The following TNR variants were observed in gnomAD, a reference collection of about 807,000 sequenced individuals.
The protein encoded by TNR is tenascin R, also known as tenascin-R.
TNR carries 45 observed loss-of-function variants against 150.4 expected under a neutral mutation model. The ratio of observed to expected loss-of-function variants is 0.30; its 90% CI spans 0.24 to 0.38. The LOEUF (loss-of-function observed/expected upper bound fraction) is 0.38, where lower values mean the gene tolerates loss of function less well. TNR is among the 10% of genes least tolerant of loss of function. The pLI, the probability that TNR is intolerant of heterozygous loss-of-function variation, is 1.00. For synonymous variants in TNR, 687 were observed against 678.4 expected (o/e 1.01, Z -0.20); for missense variants, 1,544 against 1,759.1 (o/e 0.88, Z 2.19).
chr1:175,684,915 C>T (rs1234944717), intron 1 of TNR, among the ~76,000 whole-genome samples: 1 of 152,208 alleles, frequency 6.6e-6, no homozygotes, highest in Non-Finnish European at 1.5e-5. Flanking sequence ...CCACACACTC[C>T]TCTTCCTCAG....
intron 1 of TNR, among the ~76,000 whole-genome samples, chr1:175,707,830 T>C (rs1666882347): frequency 1.3e-5 from 2 of 152,218 alleles, no homozygotes; most frequent in African/African-American, 4.8e-5. Flanking sequence ...AATTATTTAC[T>C]AAATTAAGTC....
intron 20 of TNR, among the ~76,000 whole-genome samples, chr1:175,331,015 T>TTCTTTCTTTCTTTCTTTC (rs1557867198): frequency 6.9e-5 from 4 of 57,926 alleles, no homozygotes; most frequent in Non-Finnish European, 1.4e-4. Flanking sequence ...CTTTCTTTCT[T>TTCTTTCTTTCTTTCTTTC]TCTTTCTTTC....
intron 15 of TNR, among the ~76,000 whole-genome samples, chr1:175,357,588 T>C (rs1371742966): frequency 6.6e-6 from 1 of 152,210 alleles, no homozygotes; most frequent in African/African-American, 2.4e-5. Context: ...CTTCTTACAC[T>C]CTCACATCTC....
Position 175,502,328 on chromosome 1 carries a change from G to A in TNR, c.-64+25941C>T, listed in dbSNP as rs142384743. Among the ~76,000 whole-genome samples the A allele has an allele frequency of 1.2e-4, 18 of 152,300 alleles. No individual in the cohort carries two copies. The East Asian group carries it at 3.5e-3, about 29-fold the overall frequency. On this transcript the variant is annotated intron_variant, in intron 2 of 22. Transcript: ENST00000367674. ...CACTCCTCTTTGGGGCAGACACATT[G>A]AACCCCCATGCAGGGAATATTGGCT...
At chr1:175,721,971 ACC>A (rs574859243) in intron 1 of TNR, among the ~76,000 whole-genome samples, 4 of 151,804 alleles carry the variant, frequency 2.6e-5, no homozygotes, top group Admixed American at 1.3e-4. Context: ...CTGGACTGCT[ACC>A]CCAGCTGTGA....
At chr1:175,726,116 T>C (rs1166423697) in intron 1 of TNR, among the ~76,000 whole-genome samples, 2 of 152,174 alleles carry the variant, frequency 1.3e-5, no homozygotes, top group African/African-American at 4.8e-5. Context: ...GTAAATATGA[T>C]AACAGAAAAA....
rs768770487 is a variant in TNR at position 175,406,407 on chromosome 1, C to A, written c.308G>T (p.Gly103Val). The change falls in exon 3 of 23, where the codon GGC (glycine) becomes GTC (valine). Residue 103 changes from glycine to valine, a missense_variant. Physicochemically the swap from Gly to Val is moderately radical, Grantham distance 109. Around this residue, in one of 2 missense-constraint regions of TNR, gnomAD observed 1,254 missense variants for 1,329.4 expected, o/e 0.94. Transcript: ENST00000367674. ...CTGGCTCTCGTGGTCTGAGGTCTGGCCCATGTACTCTGCCAGAGTCTCGTC... is the reference window on the plus strand; with the variant it reads ...CTGGCTCTCGTGGTCTGAGGTCTGGACCATGTACTCTGCCAGAGTCTCGTC... ...AEDETLAEYMGQTSDHESQVT... is the reference protein window; with the variant it reads ...AEDETLAEYMVQTSDHESQVT... The A allele has an allele frequency of 6.2e-7, 1 of 1,614,170 alleles. No homozygotes were observed. The highest frequency in any genetic ancestry group is 1.1e-5 in the South Asian group (1 of 91,080).
chr1:175,515,100 G>A (rs753152450), intron 2 of TNR, among the ~76,000 whole-genome samples: 1 of 152,240 alleles, frequency 6.6e-6, no homozygotes, highest in Non-Finnish European at 1.5e-5. Context: ...TCTGCCCAGA[G>A]CTGGAGAATG....
intron 1 of TNR, among the ~76,000 whole-genome samples, chr1:175,663,078 T>C (rs1409752364): frequency 1.3e-5 from 2 of 152,158 alleles, no homozygotes; most frequent in African/African-American, 4.8e-5. Flanking sequence ...AAATTACAGA[T>C]ACTGTTATCT....
At chr1:175,419,283 A>G (rs1488314264) in intron 2 of TNR, among the ~76,000 whole-genome samples, 2 of 152,206 alleles carry the variant, frequency 1.3e-5, no homozygotes, top group Non-Finnish European at 2.9e-5. Context: ...TTGGACTTTT[A>G]AATGTGTTCA....
intron 1 of TNR, among the ~76,000 whole-genome samples, chr1:175,672,350 C>T (rs765156497): frequency 6.6e-6 from 1 of 152,100 alleles, no homozygotes; most frequent in Non-Finnish European, 1.5e-5. Context: ...TCTGTAGTTG[C>T]CACCCTGACT....
At chr1:175,478,376 A>G (rs951306043) in intron 2 of TNR, among the ~76,000 whole-genome samples, 1 of 152,216 alleles carries the variant, frequency 6.6e-6, no homozygotes, top group Non-Finnish European at 1.5e-5. Context: ...AGTGCAATCG[A>G]GGGCAGAAAT....
At chr1:175,741,189 G>A (rs545306200) in intron 1 of TNR, among the ~76,000 whole-genome samples, 2 of 152,328 alleles carry the variant, frequency 1.3e-5, no homozygotes, top group South Asian at 2.1e-4. Context: ...TCCTGCACAT[G>A]AGCATTACTG....
At chr1:175,432,768 G>A (rs1286165349) in intron 2 of TNR, among the ~76,000 whole-genome samples, 1 of 152,130 alleles carries the variant, frequency 6.6e-6, no homozygotes, top group Non-Finnish European at 1.5e-5. Context: ...AGCCGAGACT[G>A]CTGGACTTCA....
intron 1 of TNR, among the ~76,000 whole-genome samples, chr1:175,636,884 A>T (rs1664506419): frequency 6.6e-6 from 1 of 152,252 alleles, no homozygotes; most frequent in Non-Finnish European, 1.5e-5. Flanking sequence ...TTCAATAATG[A>T]GTTCCCTTTG....
chr1:175,534,229 G>A (rs1315499001), intron 1 of TNR, among the ~76,000 whole-genome samples: 1 of 152,198 alleles, frequency 6.6e-6, no homozygotes, highest in African/African-American at 2.4e-5. Flanking sequence ...GTTGAGGAAA[G>A]CAAGCTGGGG....
intron 1 of TNR, among the ~76,000 whole-genome samples, chr1:175,570,161 C>T (rs558704034): frequency 1.8e-4 from 27 of 152,174 alleles, no homozygotes; most frequent in African/African-American, 5.5e-4. Context: ...CTTTCATCCC[C>T]GCTCCTTTTG....
At chr1:175,706,528 G>T (rs191854144) in intron 1 of TNR, among the ~76,000 whole-genome samples, 1 of 152,252 alleles carries the variant, frequency 6.6e-6, no homozygotes, top group African/African-American at 2.4e-5. Flanking sequence ...TCTCCTTGCT[G>T]TCACCCTTTC....
At chr1:175,559,210 C>T (rs1369752015) in intron 1 of TNR, among the ~76,000 whole-genome samples, 1 of 152,134 alleles carries the variant, frequency 6.6e-6, no homozygotes, top group Non-Finnish European at 1.5e-5. Flanking sequence ...GATAGAAATG[C>T]TTTGAAATTA....
Sources: allele counts gnomAD v4.1 joint callset (sites outside exome capture counted in the v4.1 genomes callset), GRCh38; gene constraint gnomAD v4.1.1; regional missense constraint gnomAD v4.1.1; transcripts MANE v1.5; gene names NCBI Gene and HGNC (gene_info 2026-07-23, HGNC 2026-07-21).